Variants in CWH43 observed in about 807,000 individuals in gnomAD.
CWH43 encodes the protein cell wall biogenesis 43 C-terminal homolog.
CWH43 carries 91 observed loss-of-function variants against 85.7 expected under a neutral mutation model. The ratio of observed to expected loss-of-function variants is 1.06; its 90% confidence interval spans 0.90 to 1.26. The LOEUF is 1.26. Among genes scored for constraint, CWH43 ranks in the 50% most tolerant of loss-of-function variants. CWH43 has a pLI of 0.00. For missense variants in CWH43, 869 were observed against 839.2 expected, an observed-to-expected ratio of 1.04 and a Z score of -0.44; for synonymous variants, 323 against 293.6, an observed-to-expected ratio of 1.10 and a Z score of -1.02.
chr4:49,044,740 C>G (rs1192196926), intron 13 of CWH43, 46 bp from the exon 14 acceptor site: 1 of 1,517,618 alleles, frequency 6.6e-7, no homozygotes, highest in African/African-American at 1.4e-5. Flanking sequence ...TGGAATAGAG[C>G]TTTGCTTTTT....
At chr4:49,033,548 A>G (rs1784169042) in intron 12 of CWH43, among the ~76,000 whole-genome samples, 1 of 152,198 alleles carries the variant, frequency 6.6e-6, no homozygotes, top group South Asian at 2.1e-4. Flanking sequence ...CGTGAAGTTA[A>G]TTTCAAGATT....
At chr4:49,049,377 C>G (rs1784724736) in intron 14 of CWH43, among the ~76,000 whole-genome samples, 1 of 152,152 alleles carries the variant, frequency 6.6e-6, no homozygotes. Flanking sequence ...CAGGTCCAAG[C>G]CCCCATCATC....
At chr4:49,012,455 T>A (rs1340967004) in intron 8 of CWH43, among the ~76,000 whole-genome samples, 6 of 152,182 alleles carry the variant, frequency 3.9e-5, no homozygotes, top group Admixed American at 3.9e-4. Flanking sequence ...ATTAGCCACC[T>A]TCTGAAGCTT....
At chr4:49,053,405 C>T (rs750858145) in intron 15 of CWH43, among the ~76,000 whole-genome samples, 1 of 152,070 alleles carries the variant, frequency 6.6e-6, no homozygotes, top group Non-Finnish European at 1.5e-5. Context: ...TTTACATTCC[C>T]ACAACAGTGA....
At chr4:49,006,407 G>A (rs1485311020) in intron 7 of CWH43, among the ~76,000 whole-genome samples, 2 of 152,104 alleles carry the variant, frequency 1.3e-5, no homozygotes, top group African/African-American at 4.8e-5. Flanking sequence ...ATTCAGAGTG[G>A]CTTTTAATAC....
At position 49,017,322 on chromosome 4, in the gene CWH43, C is replaced by T. The variant is rs371655074; in HGVS notation, c.1260C>T (p.Gly420=). ...ATAAAGCCTATGAGAGAAAACTGGG[C>T]AAAGTGGTAAGTAATTAAAAACCTT... The part of the protein sequence containing the change: ...LRHKAYERKL[G]KVAPTKEVSA... The change falls in exon 9 of 16, where the codon GGC becomes GGT. Residue 420 remains glycine (G), a synonymous_variant. Transcript: ENST00000226432. The T allele has an allele frequency of 1.2e-6, 2 of 1,604,070 alleles. No individual in the cohort carries two copies. The highest frequency in any genetic ancestry group is 1.7e-6 in the Non-Finnish European group (2 of 1,172,736).
chr4:49,034,452 G>C (rs559579107), intron 12 of CWH43, among the ~76,000 whole-genome samples: 129 of 152,128 alleles, frequency 8.5e-4, no homozygotes, highest in Non-Finnish European at 1.5e-3. Context: ...AGCTAAAAGA[G>C]AGCCCTAGGA....
chr4:49,011,227 G>A (rs1783347774), intron 8 of CWH43, among the ~76,000 whole-genome samples: 1 of 152,126 alleles, frequency 6.6e-6, no homozygotes, highest in Admixed American at 6.6e-5. Flanking sequence ...TTACTATTAT[G>A]TAATGGCCTT....
chr4:49,028,255 A>G (rs1314713850), intron 9 of CWH43, among the ~76,000 whole-genome samples: 1 of 152,006 alleles, frequency 6.6e-6, no homozygotes, highest in Non-Finnish European at 1.5e-5. Flanking sequence ...TTGTGGACCT[A>G]TGTAGCCCTA....
chr4:48,991,993 A>G lies in CWH43; in HGVS notation c.414A>G (p.Ile138Met), dbSNP rs1293562722. The G allele has an allele frequency of 2.5e-6, 4 of 1,613,862 alleles. No homozygotes were observed. Among genetic ancestry groups the G allele is most frequent in the Admixed American group, 1.7e-5 (1 of 60,006 alleles). The change falls in exon 4 of 16, where the codon ATA (isoleucine) becomes ATG (methionine). Residue 138 changes from isoleucine to methionine, a missense_variant. Ile to Met is a conservative substitution (Grantham distance 10). Transcript: ENST00000226432. ...AGATTGTTCTTGTTGTTCTACGCATATGGTATACTTCACTAAACCCAATCT... is the reference window on the plus strand; with the variant it reads ...AGATTGTTCTTGTTGTTCTACGCATGTGGTATACTTCACTAAACCCAATCT... ...LGQIVLVVLR[I>M]WYTSLNPIWS...
chr4:49,031,910 G>A (rs942240262), intron 11 of CWH43, among the ~76,000 whole-genome samples: 9 of 152,194 alleles, frequency 5.9e-5, no homozygotes, highest in Non-Finnish European at 1.2e-4. Context: ...CTTTAGGTTT[G>A]TGCTAAGTGT....
rs748807682 is a variant in CWH43 at position 49,039,431 on chromosome 4, T to TTATA, written c.1803+1266_1803+1269dup. Among the ~76,000 whole-genome samples the TTATA allele has an allele frequency of 7.3e-3, 900 of 124,100 alleles. 10 individuals carry two copies. Among genetic ancestry groups the TTATA allele is most frequent in the African/African-American group, 0.022 (741 of 32,980 alleles). 81.4% of individuals were successfully genotyped at this position (124,100 alleles called of 152,430 possible). The stretch of plus-strand genomic sequence containing the variant: ...TATATATACTGATATATATATACAC[T>TTATA]TATATATATATATATATACTATAAT... On this transcript the variant is annotated intron_variant, in intron 13 of 15. Transcript: ENST00000226432.
At chr4:49,029,310 G>A (rs574132219) in intron 10 of CWH43, among the ~76,000 whole-genome samples, 1 of 152,168 alleles carries the variant, frequency 6.6e-6, no homozygotes, top group Non-Finnish European at 1.5e-5. Flanking sequence ...GATGTGCCTT[G>A]TTAACAATAT....
intron 8 of CWH43, among the ~76,000 whole-genome samples, chr4:49,007,635 C>T (rs1783204492): frequency 6.6e-6 from 1 of 151,988 alleles, no homozygotes; most frequent in Admixed American, 6.6e-5. Flanking sequence ...CTCACCCCAC[C>T]CCACAGCAGG....
chr4:49,049,748 C>T (rs2605233), intron 14 of CWH43, among the ~76,000 whole-genome samples: 88,537 of 151,958 alleles, frequency 0.58, 28,920 homozygotes, highest in Admixed American at 0.75. Context: ...CTTGATCCCT[C>T]CCTTCGTTGA....
At chr4:49,058,485 G>A (rs1369073045) in intron 15 of CWH43, among the ~76,000 whole-genome samples, 1 of 151,970 alleles carries the variant, frequency 6.6e-6, no homozygotes, top group Admixed American at 6.6e-5. Flanking sequence ...CTTTTACACT[G>A]GAGTTAAAAA....
chr4:48,994,265 T>G (rs1011418149), intron 4 of CWH43, among the ~76,000 whole-genome samples: 2 of 152,212 alleles, frequency 1.3e-5, no homozygotes, highest in African/African-American at 4.8e-5. Context: ...GCAGCTTGTG[T>G]ACTGGAAATG....
intron 2 of CWH43, among the ~76,000 whole-genome samples, chr4:48,988,943 T>C (rs1242227533): frequency 1.2e-4 from 18 of 152,218 alleles, no homozygotes; most frequent in Non-Finnish European, 2.1e-4. Flanking sequence ...AGCTCTTGAA[T>C]ACATTGTGTT....
chr4:49,037,961 G>A, intron 12 of CWH43, 75 bp from the exon 13 acceptor site: 2 of 1,347,594 alleles, frequency 1.5e-6, no homozygotes, highest in Non-Finnish European at 2.0e-6. Context: ...ATAGTCTTTG[G>A]CAACTTAGGT....
Sources: allele counts gnomAD v4.1 joint callset (sites outside exome capture counted in the v4.1 genomes callset), GRCh38; gene constraint gnomAD v4.1.1; transcripts MANE v1.5; gene names NCBI Gene and HGNC (gene_info 2026-07-23, HGNC 2026-07-21).